Variants in PPP3CC observed in about 807,000 individuals in gnomAD.
PPP3CC encodes protein phosphatase 3 catalytic subunit gamma.
PPP3CC carries 35 observed loss-of-function variants against 60.3 expected under a neutral mutation model. That is an observed-to-expected ratio of 0.58 (90% CI 0.44 to 0.77). PPP3CC has a LOEUF of 0.77. PPP3CC is among the 30% of genes least tolerant of loss of function. PPP3CC has a pLI of 0.00. For missense variants in PPP3CC, 570 were observed against 628.9 expected (o/e 0.91, Z 1.00); for synonymous variants, 206 against 224.3 (o/e 0.92, Z 0.73).
In PPP3CC at chr8:22,532,270, C is replaced by A; in HGVS notation, c.1187C>A (p.Ala396Asp). Residue 396 changes from alanine (A) to aspartate (D), a missense_variant, in exon 11 of 14, where the codon GCC becomes GAC. Ala to Asp is a moderately radical substitution (Grantham distance 126). Coordinates refer to ENST00000240139, the MANE Select transcript of PPP3CC (RefSeq NM_005605.5). Reference sequence around the variant, plus strand: ...GAGATCATCAGGAATAAGATCAGAGCCATTGGGAAGATGGCACGGGTCTTT... The same window carrying A: ...GAGATCATCAGGAATAAGATCAGAGACATTGGGAAGATGGCACGGGTCTTT... ...RKEIIRNKIRAIGKMARVFSI... is the reference protein window; with the variant it reads ...RKEIIRNKIRDIGKMARVFSI... 1 of 1,613,326 alleles carries A rather than the reference C, an allele frequency of 6.2e-7. No homozygotes were observed. The highest frequency in any genetic ancestry group is 8.5e-7 in the Non-Finnish European group (1 of 1,179,322).
chr8:22,506,494 A>G (rs796133374), intron 4 of PPP3CC, among the ~76,000 whole-genome samples: 12 of 152,328 alleles, frequency 7.9e-5, no homozygotes, highest in African/African-American at 2.9e-4. Flanking sequence ...TTATGTAAAA[A>G]CCAAAAGGAT....
At chr8:22,450,259 T>G (rs1836971677) in intron 1 of PPP3CC, among the ~76,000 whole-genome samples, 1 of 152,168 alleles carries the variant, frequency 6.6e-6, no homozygotes, top group African/African-American at 2.4e-5. Context: ...AGACAGTTGA[T>G]GTGGAAAGTG....
intron 11 of PPP3CC, among the ~76,000 whole-genome samples, chr8:22,532,577 C>T (rs1379431162): frequency 6.6e-6 from 1 of 152,140 alleles, no homozygotes; most frequent in Non-Finnish European, 1.5e-5. Flanking sequence ...CTCTTCTTAC[C>T]TGTGTGATCT....
At chr8:22,521,558 T>C (rs553139245) in intron 6 of PPP3CC, among the ~76,000 whole-genome samples, 2 of 152,320 alleles carry the variant, frequency 1.3e-5, no homozygotes, top group South Asian at 2.1e-4. Flanking sequence ...ATGGCACTTA[T>C]GGCCATGGAT....
Position 22,441,258 on chromosome 8 carries a change from C to A in PPP3CC, c.-152C>A, listed in dbSNP as rs968595614. On this transcript the variant is annotated 5_prime_UTR_variant, in exon 1 of 14. Coordinates refer to ENST00000240139, the MANE Select transcript of PPP3CC (RefSeq NM_005605.5). ...GAGGCCGGCGCTGCGGTGGCCGCGC[C>A]CTTCTGGTGCTCGGACACCGCTGAG... The A allele has an allele frequency of 7.8e-6, 5 of 642,292 alleles. No individual in the cohort carries two copies. The African/African-American group carries it at 9.7e-5, about 13-fold the overall frequency. The allele number at this position is 642,292 out of a possible 1,614,324, so 39.8% of individuals were successfully genotyped here.
At chr8:22,495,002 C>T (rs1838522194) in intron 3 of PPP3CC, among the ~76,000 whole-genome samples, 1 of 152,078 alleles carries the variant, frequency 6.6e-6, no homozygotes, top group African/African-American at 2.4e-5. Flanking sequence ...AGTGCAGTGG[C>T]ACGATCATGA....
At chr8:22,535,621 G>A (rs1013125842) in intron 12 of PPP3CC, among the ~76,000 whole-genome samples, 3 of 152,084 alleles carry the variant, frequency 2.0e-5, no homozygotes, top group African/African-American at 4.8e-5. Context: ...TCAGCTACTC[G>A]AGTGGCTGGG....
At chr8:22,493,461 T>C (rs1241527515) in intron 3 of PPP3CC, among the ~76,000 whole-genome samples, 2 of 152,186 alleles carry the variant, frequency 1.3e-5, no homozygotes, top group Non-Finnish European at 1.5e-5. Flanking sequence ...TATGAGTGAA[T>C]GTGAAGGCCT....
intron 1 of PPP3CC, among the ~76,000 whole-genome samples, chr8:22,448,310 A>G (rs1836894904): frequency 6.6e-6 from 1 of 152,096 alleles, no homozygotes; most frequent in Non-Finnish European, 1.5e-5. Context: ...AAAACCATAG[A>G]GGACATTTTG....
chr8:22,478,696 GA>G (rs1276179652), intron 3 of PPP3CC, among the ~76,000 whole-genome samples: 2 of 152,078 alleles, frequency 1.3e-5, no homozygotes, highest in African/African-American at 4.8e-5. Flanking sequence ...ATAAAATAAA[GA>G]ATAAAATTTA....
Position 22,527,298 on chromosome 8 carries a change from G to T in PPP3CC, c.944-94G>T, listed in dbSNP as rs564275949. 2.2e-6 allele frequency: 3 copies of T among 1,377,206 alleles called. No homozygotes were observed. The African/African-American group carries it at 4.4e-5, about 20-fold the overall frequency. 85.3% of individuals were successfully genotyped at this position (1,377,206 alleles called of 1,614,324 possible). ...CTGACTTTACAAATGGAAAGTTCTC[G>T]AATTCTGTGTAGCAGGTACACAGCT... On this transcript the variant is annotated intron_variant, in intron 8 of 13. Coordinates refer to ENST00000240139, the MANE Select transcript of PPP3CC (RefSeq NM_005605.5).
chr8:22,522,864 A>C, intron 8 of PPP3CC, 115 bp downstream of exon 8: 1 of 768,952 alleles, frequency 1.3e-6, no homozygotes, highest in Non-Finnish European at 2.0e-6. Flanking sequence ...TTAAATAAGA[A>C]AAAAAGGGGT....
chr8:22,540,630 C>T lies in PPP3CC; in HGVS notation c.1367C>T (p.Ser456Leu), dbSNP rs568702309. Reference sequence around the variant, plus strand: ...TTTTCTGTAGCCATCAGAGGGTTCTCGCTTCAGCACAAGATCCGGAGTTTT... The same window carrying T: ...TTTTCTGTAGCCATCAGAGGGTTCTTGCTTCAGCACAAGATCCGGAGTTTT... The part of the protein sequence containing the change: ...VEAREAIRGF[S>L]LQHKIRSFEE... Residue 456 changes from serine to leucine, a missense_variant, in exon 14 of 14, where the codon TCG (serine) becomes TTG (leucine). Transcript: ENST00000240139. The T allele has an allele frequency of 1.1e-5, 17 of 1,613,356 alleles. No homozygotes were observed. The East Asian group carries it at 2.2e-4, about 21-fold the overall frequency.
At chr8:22,464,722 C>A (rs370435451) in intron 1 of PPP3CC, among the ~76,000 whole-genome samples, 3 of 152,182 alleles carry the variant, frequency 2.0e-5, no homozygotes, top group Admixed American at 1.3e-4. Flanking sequence ...TTCCAAGAGC[C>A]TTTTCAGTGT....
At chr8:22,474,914 C>A in intron 1 of PPP3CC, 40 bp from the exon 2 acceptor site, 3 of 1,240,484 alleles carry the variant, frequency 2.4e-6, no homozygotes, top group Non-Finnish European at 3.2e-6. Context: ...GTTCTCTATA[C>A]ATTTAAATAT....
intron 1 of PPP3CC, among the ~76,000 whole-genome samples, chr8:22,466,262 G>A (rs1157889370): frequency 6.6e-6 from 1 of 152,118 alleles, no homozygotes; most frequent in African/African-American, 2.4e-5. Context: ...TTGGTTCCAA[G>A]TCTTTGCTAT....
chr8:22,531,403 T>C, intron 10 of PPP3CC: 1 of 1,385,186 alleles, frequency 7.2e-7, no homozygotes, highest in Non-Finnish European at 9.9e-7. Flanking sequence ...AGACTTAAAA[T>C]TGGTAGTTGA....
chr8:22,467,296 T>C (rs1563696164), intron 1 of PPP3CC, among the ~76,000 whole-genome samples: 1 of 152,144 alleles, frequency 6.6e-6, no homozygotes, highest in Non-Finnish European at 1.5e-5. Context: ...TAACACATAG[T>C]AGCAATTCAA....
intron 12 of PPP3CC, among the ~76,000 whole-genome samples, chr8:22,535,634 T>A (rs1839828812): frequency 6.6e-6 from 1 of 152,244 alleles, no homozygotes; most frequent in Non-Finnish European, 1.5e-5. Flanking sequence ...TGGCTGGGAC[T>A]ACAGGCATGT....
Sources: gnomAD v4.1 joint callset for allele counts (sites outside exome capture counted in the v4.1 genomes callset) on GRCh38, gnomAD v4.1.1 for gene constraint, MANE v1.5 for transcripts, NCBI Gene and HGNC (gene_info 2026-07-23, HGNC 2026-07-21) for gene names.